Variants in EEA1 observed in about 807,000 individuals in gnomAD.
EEA1 encodes the protein early endosome antigen 1.
Under a neutral mutation model 209.2 loss-of-function variants are expected in EEA1, and 111 were observed. That is an observed-to-expected ratio of 0.53 (90% CI 0.45 to 0.62). The LOEUF is 0.62. Among genes scored for constraint, EEA1 ranks in the 20% least tolerant of loss-of-function variants. EEA1 has a pLI of 0.00. For missense variants in EEA1, 1,343 were observed against 1,530.8 expected, an observed-to-expected ratio of 0.88 and a Z score of 2.05; for synonymous variants, 536 against 540.6, an observed-to-expected ratio of 0.99 and a Z score of 0.12.
chr12:92,817,111 C>T (rs933360990), intron 14 of EEA1, among the ~76,000 whole-genome samples: 5 of 151,042 alleles, frequency 3.3e-5, no homozygotes, highest in Non-Finnish European at 7.4e-5. Context: ...TATTTTCCTC[C>T]TCCCCACCCT....
In EEA1 at chr12:92,826,154, A is replaced by T; in HGVS notation, c.1524+12T>A. On this transcript the variant is annotated intron_variant, in intron 13 of 28. Coordinates refer to ENST00000322349, the MANE Select transcript of EEA1 (RefSeq NM_003566.4). ...TTGTGTTTACAAGGCTAATAACGCA[A>T]CTAATGTTTACCTGAGCTTCTCGAA... The T allele has an allele frequency of 6.2e-7, 1 of 1,612,352 alleles. No individual in the cohort carries two copies. Among genetic ancestry groups the T allele is most frequent in the Non-Finnish European group, 8.5e-7 (1 of 1,178,944 alleles).
intron 1 of EEA1, among the ~76,000 whole-genome samples, chr12:92,924,212 T>TC: frequency 6.7e-6 from 1 of 149,938 alleles, no homozygotes; most frequent in East Asian, 1.9e-4. Flanking sequence ...TTTTTTTTTT[T>TC]TTTTTTTTTT....
At chr12:92,869,824 T>A (rs1227517946) in intron 2 of EEA1, among the ~76,000 whole-genome samples, 18 of 142,602 alleles carry the variant, frequency 1.3e-4, no homozygotes, top group Non-Finnish European at 2.3e-4. Context: ...GTAGGTGAGA[T>A]TATTACTTTT....
At chr12:92,862,365 G>A (rs73219713) in intron 3 of EEA1, among the ~76,000 whole-genome samples, 3,390 of 152,250 alleles carry the variant, frequency 0.022, 50 homozygotes, top group Non-Finnish European at 0.033. Context: ...GCAGGTTGAG[G>A]TGGGAGAATT....
intron 11 of EEA1, among the ~76,000 whole-genome samples, chr12:92,829,727 C>T (rs1485598214): frequency 2.1e-5 from 3 of 145,378 alleles, no homozygotes; most frequent in Non-Finnish European, 3.0e-5. Context: ...TGCAATGAGC[C>T]GAGATCATGC....
chr12:92,788,100 A>G, intron 21 of EEA1, 51 bp from the exon 22 acceptor site: 4 of 1,401,150 alleles, frequency 2.9e-6, no homozygotes, highest in Non-Finnish European at 2.8e-6. Flanking sequence ...AAAACCAATT[A>G]CAAATATAAA....
intron 9 of EEA1, among the ~76,000 whole-genome samples, chr12:92,845,985 A>G (rs1453459964): frequency 2.0e-5 from 3 of 152,234 alleles, no homozygotes; most frequent in Non-Finnish European, 2.9e-5. Flanking sequence ...TGAATTCAAT[A>G]CTGAATTTTT....
At chr12:92,805,664 C>T (rs1301203663) in intron 18 of EEA1, among the ~76,000 whole-genome samples, 1 of 152,132 alleles carries the variant, frequency 6.6e-6, no homozygotes, top group Non-Finnish European at 1.5e-5. Flanking sequence ...CATTGAAGAT[C>T]TCATCATGGC....
intron 10 of EEA1, among the ~76,000 whole-genome samples, chr12:92,841,885 T>C (rs1848351576): frequency 6.6e-6 from 1 of 152,118 alleles, no homozygotes; most frequent in Non-Finnish European, 1.5e-5. Context: ...AGGTAAAGAA[T>C]TGAAAGCAAC....
At chr12:92,885,317 C>T (rs991783829) in intron 2 of EEA1, among the ~76,000 whole-genome samples, 2 of 151,952 alleles carry the variant, frequency 1.3e-5, no homozygotes, top group Admixed American at 6.6e-5. Context: ...TCCTGGAGAC[C>T]ATGATATTTC....
intron 1 of EEA1, among the ~76,000 whole-genome samples, chr12:92,921,873 A>G: frequency 6.7e-6 from 1 of 148,176 alleles, no homozygotes; most frequent in South Asian, 2.1e-4. Context: ...TCTCAAAAAA[A>G]AAAAAAAAAA....
chr12:92,909,087 G>A (rs12305129), intron 1 of EEA1, among the ~76,000 whole-genome samples: 1 of 152,172 alleles, frequency 6.6e-6, no homozygotes, highest in Non-Finnish European at 1.5e-5. Flanking sequence ...TGGGATTACA[G>A]GCATGAGCCA....
Position 92,852,310 on chromosome 12 carries a change from G to C in EEA1, c.521-14C>G, listed in dbSNP as rs747029873. On this transcript the variant is annotated splice_polypyrimidine_tract_variant and intron_variant, in intron 7 of 28. Transcript: ENST00000322349. ...TTGACTTTATATCTAATTAAAGATA[G>C]TTATATAAATATTAGTTTAAGGGGA... 4.0e-6 allele frequency: 6 copies of C among 1,518,528 alleles called. No individual in the cohort carries two copies. Among genetic ancestry groups the C allele is most frequent in the Non-Finnish European group, 5.3e-6 (6 of 1,134,578 alleles). The allele number at this position is 1,518,528 out of a possible 1,614,324, so 94.1% of individuals were successfully genotyped here. A position where few individuals can be genotyped will look rare whatever the true frequency, so the allele number is the denominator to read the frequency against.
chr12:92,921,598 G>A (rs1233535909), intron 1 of EEA1, among the ~76,000 whole-genome samples: 1 of 117,910 alleles, frequency 8.5e-6, no homozygotes, highest in Non-Finnish European at 1.7e-5. Flanking sequence ...GGGGACTGTG[G>A]TGGGGTTGGG....
intron 21 of EEA1, among the ~76,000 whole-genome samples, chr12:92,793,822 A>G (rs1874523914): frequency 6.6e-6 from 1 of 152,230 alleles, no homozygotes; most frequent in Non-Finnish European, 1.5e-5. Context: ...CTGCATTGCA[A>G]GGACTTCATG....
At chr12:92,922,994 T>TAAA (rs1328230029) in intron 1 of EEA1, among the ~76,000 whole-genome samples, 3 of 144,244 alleles carry the variant, frequency 2.1e-5, no homozygotes, top group Non-Finnish European at 3.1e-5. Context: ...TAAAATAAAA[T>TAAA]AAAGATTACC....
chr12:92,791,081 T>G (rs1480418771), intron 21 of EEA1, among the ~76,000 whole-genome samples: 1 of 152,166 alleles, frequency 6.6e-6, no homozygotes, highest in African/African-American at 2.4e-5. Context: ...GCTGAGAGAT[T>G]TTGTCACCAC....
At chr12:92,792,615 G>A (rs1328804775) in intron 21 of EEA1, among the ~76,000 whole-genome samples, 1 of 152,080 alleles carries the variant, frequency 6.6e-6, no homozygotes, top group Admixed American at 6.5e-5. Flanking sequence ...CCAATAACAG[G>A]ATCTGAAATT....
At chr12:92,881,550 C>A (rs568993777) in intron 2 of EEA1, among the ~76,000 whole-genome samples, 68 of 152,200 alleles carry the variant, frequency 4.5e-4, no homozygotes, top group African/African-American at 1.6e-3. Flanking sequence ...ATCAGAGAAG[C>A]ACAAGAAAGA....
Sources: gnomAD v4.1 joint callset for allele counts (sites outside exome capture counted in the v4.1 genomes callset) on GRCh38, gnomAD v4.1.1 for gene constraint, MANE v1.5 for transcripts, NCBI Gene and HGNC (gene_info 2026-07-23, HGNC 2026-07-21) for gene names.